The following POPDC3 variants were observed in gnomAD, a reference collection of about 807,000 sequenced individuals.
The protein encoded by POPDC3 is popeye domain cAMP effector 3.
In POPDC3, 20 loss-of-function variants were observed where a neutral mutation model predicts 28.2. The observed-to-expected ratio is 0.71, with a 90% CI of 0.50 to 1.03. POPDC3 has a LOEUF of 1.03. Ranked by LOEUF, POPDC3 falls within the 50% of genes least tolerant of loss-of-function variation. POPDC3 has a pLI of 0.00. For synonymous variants in POPDC3, 118 were observed against 124.1 expected (o/e 0.95, Z 0.33); for missense variants, 316 against 345.9 (o/e 0.91, Z 0.69).
At chr6:105,166,467 G>A (rs1774457042) in intron 1 of POPDC3, 5 of 411,058 alleles carry the variant, frequency 1.2e-5, no homozygotes, top group Middle Eastern at 3.8e-4. Context: ...GGTGACAGGT[G>A]GGGGTGGGGG....
chr6:105,163,194 T>C (rs1192798246), intron 1 of POPDC3, among the ~76,000 whole-genome samples: 3 of 152,364 alleles, frequency 2.0e-5, no homozygotes, highest in Admixed American at 6.5e-5. Flanking sequence ...TTTGTTGTAT[T>C]AGTGGTTATT....
At chr6:105,159,238 T>A (rs1429313821) in intron 3 of POPDC3, among the ~76,000 whole-genome samples, 1 of 152,242 alleles carries the variant, frequency 6.6e-6, no homozygotes. Context: ...CTGAAATGAT[T>A]ATCTTTCAAA....
chr6:105,168,215 C>A (rs1288228031), intron 1 of POPDC3, among the ~76,000 whole-genome samples: 3 of 152,192 alleles, frequency 2.0e-5, no homozygotes, highest in South Asian at 2.1e-4. Flanking sequence ...GAAGTATCAC[C>A]TTTTTCCTTT....
At chr6:105,171,223 C>A (rs962131891) in intron 1 of POPDC3, among the ~76,000 whole-genome samples, 2 of 152,152 alleles carry the variant, frequency 1.3e-5, no homozygotes, top group Non-Finnish European at 2.9e-5. Flanking sequence ...GTAAAACATG[C>A]GTAAGCAAAC....
chr6:105,158,533 T>C lies in POPDC3; in HGVS notation c.813A>G (p.Pro271=). 8 of 1,614,160 alleles carry C rather than the reference T, an allele frequency of 5.0e-6. No individual in the cohort carries two copies. The highest frequency in any genetic ancestry group is 6.8e-6 in the Non-Finnish European group (8 of 1,180,004). Reference sequence around the variant, plus strand: ...GTGTCAGGGGTGATCTGCGTATTTCTGGAGTTGACATTTGATAGAAGTTGG... The same window carrying C: ...GTGTCAGGGGTGATCTGCGTATTTCCGGAGTTGACATTTGATAGAAGTTGG... ...RLPNFYQMST[P]EIRRSPLTQH... The change falls in exon 4 of 4, where the codon CCA becomes CCG. Residue 271 remains proline (P), a synonymous_variant. Transcript: ENST00000254765.
chr6:105,179,631 C>G (rs550132399), intron 1 of POPDC3, among the ~76,000 whole-genome samples: 17 of 152,278 alleles, frequency 1.1e-4, no homozygotes, highest in African/African-American at 4.1e-4. Flanking sequence ...ACCCCAGACC[C>G]CGGACCCCAG....
Position 105,166,871 on chromosome 6 carries a change from T to C in POPDC3, c.-251-4711A>G, listed in dbSNP as rs1279144360. On this transcript the variant is annotated intron_variant, in intron 1 of 3. Transcript: ENST00000254765. ...TTAAAAAAATGAACATAGATGGTTG[T>C]GTGTGTGTGTGTGTGTGTGTGTGTA... Among the ~76,000 whole-genome samples the C allele has an allele frequency of 2.5e-4, 4 of 15,838 alleles. No individual in the cohort carries two copies. The East Asian group carries it at 0.026, about 103-fold the overall frequency. The allele number at this position is 15,838 out of a possible 152,430, so 10.4% of individuals were successfully genotyped here.
At chr6:105,175,166 C>CA (rs1186170432) in intron 1 of POPDC3, among the ~76,000 whole-genome samples, 271 of 139,546 alleles carry the variant, frequency 1.9e-3, no homozygotes, top group African/African-American at 4.9e-3. Flanking sequence ...GACTCCATCT[C>CA]AAAAAAAAAA....
chr6:105,177,978 C>T lies in POPDC3; in HGVS notation c.-252+1855G>A, dbSNP rs533832313. ...ACCTGATGTAATTTTCCTTGTAAGA[C>T]TTTTTCTTATAACTACTTAGATAAA... On this transcript the variant is annotated intron_variant, in intron 1 of 3. Coordinates refer to ENST00000254765, the MANE Select transcript of POPDC3 (RefSeq NM_022361.5). 2.6e-5 allele frequency among the ~76,000 whole-genome samples: 4 copies of T among 152,280 alleles called. No homozygotes were observed. The East Asian group carries it at 7.7e-4, about 29-fold the overall frequency.
chr6:105,164,028 AT>A (rs1774406357), intron 1 of POPDC3, among the ~76,000 whole-genome samples: 1 of 152,214 alleles, frequency 6.6e-6, no homozygotes, highest in South Asian at 2.1e-4. Flanking sequence ...TATTGTTCAA[AT>A]ACAATGAGTA....
At chr6:105,170,730 A>C (rs1774559666) in intron 1 of POPDC3, among the ~76,000 whole-genome samples, 1 of 152,212 alleles carries the variant, frequency 6.6e-6, no homozygotes, top group Non-Finnish European at 1.5e-5. Flanking sequence ...GTGCAATAAC[A>C]ACCACAGGGC....
At chr6:105,167,537 A>G (rs1774482995) in intron 1 of POPDC3, among the ~76,000 whole-genome samples, 1 of 152,146 alleles carries the variant, frequency 6.6e-6, no homozygotes, top group South Asian at 2.1e-4. Flanking sequence ...ACTTGAGGCC[A>G]GGAGTTCAAG....
Position 105,161,469 on chromosome 6 carries a change from C to T in POPDC3, c.441G>A (p.Gln147=), listed in dbSNP as rs1440200169. Residue 147 remains glutamine, a synonymous_variant, in exon 2 of 4, where the codon CAG becomes CAA. Coordinates refer to ENST00000254765, the MANE Select transcript of POPDC3 (RefSeq NM_022361.5). ...AGAGTTTATCAATGGAAGTTTTCCC[C>T]TGCATGGCATAACAGTGTTCCTTTT... The part of the protein sequence containing the change: ...TLEKEHCYAM[Q]GKTSIDKLSL... 3.1e-6 allele frequency: 5 copies of T among 1,614,030 alleles called. No individual in the cohort carries two copies. Among genetic ancestry groups the T allele is most frequent in the Admixed American group, 3.3e-5 (2 of 59,998 alleles).
At chr6:105,170,066 T>G (rs1774545730) in intron 1 of POPDC3, 2 of 152,224 alleles carry the variant, frequency 1.3e-5, no homozygotes, top group Non-Finnish European at 2.9e-5. Context: ...GTTGAGTCAC[T>G]CAGCCCTATA....
intron 1 of POPDC3, among the ~76,000 whole-genome samples, chr6:105,170,995 C>A (rs1774565858): frequency 6.6e-6 from 1 of 152,102 alleles, no homozygotes; most frequent in African/African-American, 2.4e-5. Flanking sequence ...CTTTCTCAGC[C>A]CTTAAATCCT....
rs367750439 is a variant in POPDC3 at position 105,158,760 on chromosome 6, C to A, written c.595-9G>T. ...TCTGCAGTGAGGGTTACCTAAAAAA[C>A]ACAAGACCACACATAAACAGATGTG... On this transcript the variant is annotated splice_polypyrimidine_tract_variant and intron_variant, in intron 3 of 3. Transcript: ENST00000254765. 8.5e-5 allele frequency: 135 copies of A among 1,593,022 alleles called. No individual in the cohort carries two copies. The African/African-American group carries it at 1.7e-3, about 20-fold the overall frequency.
At chr6:105,162,206 A>T in intron 1 of POPDC3, 46 bp from the exon 2 acceptor site, 1 of 1,083,576 alleles carries the variant, frequency 9.2e-7, no homozygotes, top group Non-Finnish European at 1.1e-6. Context: ...AACAAAAAGG[A>T]GAATTGTGGG....
intron 1 of POPDC3, chr6:105,166,407 T>C (rs1408912874): frequency 3.3e-6 from 1 of 307,318 alleles, no homozygotes; most frequent in Non-Finnish European, 6.4e-6. Context: ...GGGATTTTGA[T>C]GTTCAACCAG....
chr6:105,160,881 GT>G (rs1292221596), intron 2 of POPDC3, among the ~76,000 whole-genome samples: 1 of 151,852 alleles, frequency 6.6e-6, no homozygotes, highest in Admixed American at 6.6e-5. Flanking sequence ...GATTACAGGT[GT>G]TTTTGGGATT....
Sources: gnomAD v4.1 joint callset for allele counts (sites outside exome capture counted in the v4.1 genomes callset) on GRCh38, gnomAD v4.1.1 for gene constraint, MANE v1.5 for transcripts, NCBI Gene and HGNC (gene_info 2026-07-23, HGNC 2026-07-21) for gene names.